Variants in NALF1 observed in about 807,000 individuals in gnomAD.
The protein encoded by NALF1 is family with sequence similarity 155 member A.
Under a neutral mutation model 48.4 loss-of-function variants are expected in NALF1, and 3 were observed. That is an observed-to-expected ratio of 0.06 (90% CI 0.03 to 0.16). The LOEUF (loss-of-function observed/expected upper bound fraction) is 0.16, where lower values mean the gene tolerates loss of function less well. Ranked by LOEUF, NALF1 falls within the 10% of genes least tolerant of loss-of-function variation. The pLI, the probability that NALF1 is intolerant of heterozygous loss-of-function variation, is 1.00. For synonymous variants in NALF1, 262 were observed against 245.7 expected (o/e 1.07, Z -0.62); for missense variants, 526 against 571.5 (o/e 0.92, Z 0.81).
intron 1 of NALF1, among the ~76,000 whole-genome samples, chr13:107,624,335 A>C (rs9559107): frequency 1.3e-5 from 2 of 152,000 alleles, no homozygotes; most frequent in East Asian, 3.9e-4. Context: ...AAACATAAGA[A>C]ACAAATGAAA....
intron 1 of NALF1, among the ~76,000 whole-genome samples, chr13:107,653,226 T>C (rs1488318365): frequency 6.7e-6 from 1 of 150,276 alleles, no homozygotes; most frequent in African/African-American, 2.4e-5. Context: ...AATTTGTATA[T>C]TAAGTTGTGT....
intron 1 of NALF1, among the ~76,000 whole-genome samples, chr13:107,553,839 T>C (rs1179181558): frequency 1.3e-5 from 2 of 152,214 alleles, no homozygotes; most frequent in Non-Finnish European, 2.9e-5. Context: ...CCTCCATCCC[T>C]ACTTTGCCTC....
At chr13:107,789,336 C>T (rs533015651) in intron 1 of NALF1, among the ~76,000 whole-genome samples, 48 of 152,270 alleles carry the variant, frequency 3.2e-4, no homozygotes, top group African/African-American at 8.9e-4. Context: ...TTGAAAATCT[C>T]TTTTGCTTTA....
intron 1 of NALF1, among the ~76,000 whole-genome samples, chr13:107,275,191 G>A (rs759039857): frequency 3.3e-5 from 5 of 151,996 alleles, no homozygotes; most frequent in Non-Finnish European, 5.9e-5. Context: ...TAACTTTTTT[G>A]ATCTCCTTTT....
chr13:107,345,222 T>C (rs1337479944), intron 1 of NALF1, among the ~76,000 whole-genome samples: 1 of 152,146 alleles, frequency 6.6e-6, no homozygotes, highest in East Asian at 1.9e-4. Context: ...TATTAAAATG[T>C]TTATACGACT....
chr13:107,414,609 A>C (rs979002342), intron 1 of NALF1, among the ~76,000 whole-genome samples: 1 of 151,736 alleles, frequency 6.6e-6, no homozygotes, highest in Non-Finnish European at 1.5e-5. Context: ...AATTACCTTG[A>C]GTTTTCTGGG....
intron 1 of NALF1, among the ~76,000 whole-genome samples, chr13:107,506,918 T>G (rs1409631119): frequency 1.3e-5 from 2 of 152,026 alleles, no homozygotes; most frequent in Non-Finnish European, 2.9e-5. Context: ...AATTGTTGAG[T>G]AATAGTAACT....
chr13:107,534,382 A>T (rs1440766228), intron 1 of NALF1, among the ~76,000 whole-genome samples: 1 of 152,170 alleles, frequency 6.6e-6, no homozygotes, highest in Admixed American at 6.6e-5. Context: ...TAATTCAGTT[A>T]AAAAAAGAAC....
At chr13:107,372,757 C>T (rs778849781) in intron 1 of NALF1, among the ~76,000 whole-genome samples, 2 of 152,160 alleles carry the variant, frequency 1.3e-5, no homozygotes, top group Non-Finnish European at 2.9e-5. Context: ...ATCAAACATG[C>T]TTGAAAAGTT....
At chr13:107,290,184 A>C (rs2138881734) in intron 1 of NALF1, among the ~76,000 whole-genome samples, 1 of 144,552 alleles carries the variant, frequency 6.9e-6, no homozygotes, top group Non-Finnish European at 1.5e-5. Flanking sequence ...CAAAAAAAAA[A>C]AACAAAAAAA....
At chr13:107,306,336 A>G (rs772287720) in intron 1 of NALF1, among the ~76,000 whole-genome samples, 8 of 152,166 alleles carry the variant, frequency 5.3e-5, no homozygotes, top group Non-Finnish European at 1.5e-5. Flanking sequence ...GATGGGACAG[A>G]CTTGAGGATT....
chr13:107,755,344 C>A (rs1411912390), intron 1 of NALF1, among the ~76,000 whole-genome samples: 3 of 151,944 alleles, frequency 2.0e-5, no homozygotes, highest in African/African-American at 7.3e-5. Context: ...CTTCTTCAGG[C>A]CTCTTAATTT....
intron 1 of NALF1, among the ~76,000 whole-genome samples, chr13:107,365,413 G>A (rs941402112): frequency 1.3e-5 from 2 of 152,172 alleles, no homozygotes. Context: ...GCCCTGCCGA[G>A]AAACTTCTTG....
intron 1 of NALF1, among the ~76,000 whole-genome samples, chr13:107,690,337 T>C (rs930895311): frequency 1.3e-5 from 2 of 152,210 alleles, no homozygotes; most frequent in Non-Finnish European, 2.9e-5. Flanking sequence ...AGAGAAAGGA[T>C]GCAAATTAGG....
intron 1 of NALF1, among the ~76,000 whole-genome samples, chr13:107,328,079 C>T (rs140252107): frequency 6.6e-6 from 1 of 152,128 alleles, no homozygotes; most frequent in African/African-American, 2.4e-5. Context: ...TGCCACCATG[C>T]TAGACTAATT....
intron 1 of NALF1, among the ~76,000 whole-genome samples, chr13:107,795,131 T>C (rs954243669): frequency 1.3e-5 from 2 of 152,194 alleles, no homozygotes; most frequent in African/African-American, 4.8e-5. Flanking sequence ...GTTAGACACA[T>C]GCATTCGCAG....
chr13:107,711,558 T>A (rs1328974926), intron 1 of NALF1, among the ~76,000 whole-genome samples: 1 of 152,156 alleles, frequency 6.6e-6, no homozygotes, highest in African/African-American at 2.4e-5. Context: ...CTGGTCTTTA[T>A]AGTGTTCTCT....
intron 1 of NALF1, among the ~76,000 whole-genome samples, chr13:107,563,644 C>G (rs551225827): frequency 6.6e-6 from 1 of 152,328 alleles, no homozygotes; most frequent in Non-Finnish European, 1.5e-5. Context: ...TCCTTTACTT[C>G]TGTCCCTCTT....
intron 1 of NALF1, among the ~76,000 whole-genome samples, chr13:107,726,913 T>TTCTGTGTGTGTGTGTGTGTG (rs765487919): frequency 7.9e-6 from 1 of 126,400 alleles, no homozygotes; most frequent in Admixed American, 8.2e-5. Flanking sequence ...CGGCAAATTC[T>TTCTGTGTGTGTGTGTGTGTG]TGTGTGTGTG....
Sources: allele counts gnomAD v4.1 joint callset (sites outside exome capture counted in the v4.1 genomes callset), GRCh38; gene constraint gnomAD v4.1.1; transcripts MANE v1.5; gene names NCBI Gene and HGNC (gene_info 2026-07-23, HGNC 2026-07-21).